CDH13: variants seen among roughly 807,000 people sequenced by gnomAD.
CDH13 encodes cadherin 13, also known as cadherin-13.
A neutral mutation model predicts 63.8 loss-of-function variants in CDH13; 24 were observed. The observed-to-expected ratio is 0.38, with a 90% confidence interval of 0.27 to 0.53. The LOEUF is 0.53. Ranked by LOEUF, CDH13 falls within the 20% of genes least tolerant of loss-of-function variation. The probability of loss-of-function intolerance (pLI) is 0.85; values close to 1 mark genes in which losing one functional copy is unlikely to be tolerated. For missense variants in CDH13, 1,049 were observed against 903.1 expected, an observed-to-expected ratio of 1.16 and a Z score of -2.07; for synonymous variants, 503 against 355.3, an observed-to-expected ratio of 1.42 and a Z score of -4.67.
At chr16:83,224,803 G>A (rs1012187254) in intron 5 of CDH13, among the ~76,000 whole-genome samples, 13 of 152,178 alleles carry the variant, frequency 8.5e-5, no homozygotes, top group African/African-American at 2.2e-4. Flanking sequence ...TCCTAACAGT[G>A]TTATCATTAG....
At chr16:83,514,161 A>G (rs185269338) in intron 7 of CDH13, among the ~76,000 whole-genome samples, 1 of 152,292 alleles carries the variant, frequency 6.6e-6, no homozygotes, top group East Asian at 1.9e-4. Context: ...ATTTACATGC[A>G]CTTAATCCTC....
chr16:83,594,987 A>G (rs1463476692), intron 7 of CDH13, among the ~76,000 whole-genome samples: 1 of 152,176 alleles, frequency 6.6e-6, no homozygotes. Context: ...TTTTGTTTCT[A>G]GAATATATAT....
intron 4 of CDH13, among the ~76,000 whole-genome samples, chr16:83,200,883 T>A (rs2039006142): frequency 6.6e-6 from 1 of 151,976 alleles, no homozygotes; most frequent in Non-Finnish European, 1.5e-5. Context: ...TCCATGAGCC[T>A]GTTAATTTTC....
Position 82,683,904 on chromosome 16 carries a change from G to A in CDH13, c.45+56767G>A, listed in dbSNP as rs112127889. Among the ~76,000 whole-genome samples the A allele has an allele frequency of 9.3e-4, 141 of 152,222 alleles. 1 individual carries two copies. The highest frequency in any genetic ancestry group is 3.1e-3 in the African/African-American group (129 of 41,524). ...TTTTCTGTGTTGATAAAAATTGTGC[G>A]CTTTTTATTCTTTTACAGAACTAAT... On this transcript the variant is annotated intron_variant, in intron 1 of 13. Coordinates refer to ENST00000567109, the MANE Select transcript of CDH13 (RefSeq NM_001257.5).
intron 1 of CDH13, among the ~76,000 whole-genome samples, chr16:82,835,128 T>C (rs1198102256): frequency 2.6e-5 from 4 of 152,252 alleles, no homozygotes; most frequent in Non-Finnish European, 5.9e-5. Flanking sequence ...GTAGGTAATA[T>C]AGAAATTGCG....
At chr16:83,667,100 G>C (rs143371494) in intron 8 of CDH13, among the ~76,000 whole-genome samples, 2,114 of 149,988 alleles carry the variant, frequency 0.014, 26 homozygotes, top group Middle Eastern at 0.021. Context: ...TGGATGGATG[G>C]ATGGATGGAT....
intron 3 of CDH13, among the ~76,000 whole-genome samples, chr16:83,065,986 C>T (rs2031979187): frequency 6.6e-6 from 1 of 152,300 alleles, no homozygotes; most frequent in East Asian, 1.9e-4. Flanking sequence ...ATAAAACAAC[C>T]ACCTTCACTC....
chr16:82,674,479 G>C (rs1356469401), intron 1 of CDH13, among the ~76,000 whole-genome samples: 1 of 152,214 alleles, frequency 6.6e-6, no homozygotes, highest in Non-Finnish European at 1.5e-5. Flanking sequence ...CTGTCTCCAT[G>C]ATATCAAACT....
chr16:83,726,726 T>A (rs1910441455), intron 10 of CDH13, among the ~76,000 whole-genome samples: 1 of 152,054 alleles, frequency 6.6e-6, no homozygotes, highest in Non-Finnish European at 1.5e-5. Context: ...TAGTCCCAGC[T>A]ACTCGCGAGG....
At chr16:83,398,534 C>A (rs1049200756) in intron 6 of CDH13, among the ~76,000 whole-genome samples, 1 of 152,192 alleles carries the variant, frequency 6.6e-6, no homozygotes, top group Non-Finnish European at 1.5e-5. Context: ...CAAAGACACA[C>A]CCCCACTTAT....
At chr16:83,322,464 T>C (rs1472740253) in intron 5 of CDH13, among the ~76,000 whole-genome samples, 1 of 152,252 alleles carries the variant, frequency 6.6e-6, no homozygotes, top group African/African-American at 2.4e-5. Flanking sequence ...GATTCATTTC[T>C]TTCATTTGTC....
At chr16:83,014,878 ATGTT>A (rs1914603594) in intron 2 of CDH13, among the ~76,000 whole-genome samples, 1 of 137,316 alleles carries the variant, frequency 7.3e-6, no homozygotes, top group African/African-American at 2.7e-5. Context: ...GTATATATAT[ATGTT>A]TGTGTATATA....
chr16:82,961,592 A>AAAAAC (rs1567697645), intron 2 of CDH13, among the ~76,000 whole-genome samples: 4 of 149,558 alleles, frequency 2.7e-5, no homozygotes, highest in Non-Finnish European at 3.0e-5. Flanking sequence ...AAAAAAAAAA[A>AAAAAC]AAAACTACTG....
chr16:82,995,646 C>T (rs1212373334), intron 2 of CDH13, among the ~76,000 whole-genome samples: 1 of 152,132 alleles, frequency 6.6e-6, no homozygotes, highest in Non-Finnish European at 1.5e-5. Flanking sequence ...CCTATTATAA[C>T]ACCATGGTGT....
intron 3 of CDH13, among the ~76,000 whole-genome samples, chr16:83,082,785 C>T (rs1315977650): frequency 2.0e-5 from 3 of 152,162 alleles, no homozygotes; most frequent in Non-Finnish European, 2.9e-5. Flanking sequence ...TAAGAAAAAC[C>T]TACGTGGAAA....
At chr16:83,099,936 A>G (rs958824080) in intron 3 of CDH13, among the ~76,000 whole-genome samples, 1 of 152,098 alleles carries the variant, frequency 6.6e-6, no homozygotes, top group Non-Finnish European at 1.5e-5. Context: ...CATTCAAAGC[A>G]CCCACACTGT....
intron 8 of CDH13, among the ~76,000 whole-genome samples, chr16:83,608,634 C>T (rs1168174577): frequency 3.3e-5 from 5 of 151,490 alleles, no homozygotes; most frequent in Admixed American, 3.3e-4. Flanking sequence ...TTCAGGCATA[C>T]ACCACCATGT....
chr16:83,794,501 C>G (rs984633217), intron 13 of CDH13, among the ~76,000 whole-genome samples: 10 of 152,122 alleles, frequency 6.6e-5, no homozygotes, highest in Admixed American at 5.2e-4. Flanking sequence ...TGCAGTGAGC[C>G]AAGATTGTAC....
chr16:83,242,014 A>G (rs1192340722), intron 5 of CDH13, among the ~76,000 whole-genome samples: 1 of 152,170 alleles, frequency 6.6e-6, no homozygotes, highest in Non-Finnish European at 1.5e-5. Flanking sequence ...ATTTTTGTAT[A>G]CGGCATGAGG....
Sources: gnomAD v4.1 joint callset for allele counts (sites outside exome capture counted in the v4.1 genomes callset) on GRCh38, gnomAD v4.1.1 for gene constraint, MANE v1.5 for transcripts, NCBI Gene and HGNC (gene_info 2026-07-23, HGNC 2026-07-21) for gene names.